METTL21C: variants seen among roughly 807,000 people sequenced by gnomAD.
METTL21C encodes the protein protein-lysine methyltransferase METTL21C.
In METTL21C, 21 loss-of-function variants were observed where a neutral mutation model predicts 25.9. The ratio of observed to expected loss-of-function variants is 0.81; its 90% CI spans 0.58 to 1.17. The LOEUF is 1.17. Ranked by LOEUF, METTL21C falls within the 50% of genes most tolerant of loss-of-function variation. The pLI is 0.00. For synonymous variants in METTL21C, 125 were observed against 124.7 expected (o/e 1.00, Z -0.01); for missense variants, 312 against 315.1 (o/e 0.99, Z 0.07).
intron 2 of METTL21C, among the ~76,000 whole-genome samples, chr13:102,690,437 A>AG (rs1375488666): frequency 3.3e-5 from 5 of 149,726 alleles, no homozygotes; most frequent in East Asian, 2.0e-4. Context: ...AAAAAAAAAA[A>AG]AAGAGAGAGA....
chr13:102,702,041 G>A, the METTL21C span, among the ~76,000 whole-genome samples: 1 of 151,992 alleles, frequency 6.6e-6, no homozygotes, highest in Non-Finnish European at 1.5e-5. Flanking sequence ...GCGGGTGCCT[G>A]TAGTCCCAGC....
the METTL21C span, among the ~76,000 whole-genome samples, chr13:102,700,787 A>G: frequency 1.3e-5 from 2 of 152,152 alleles, no homozygotes; most frequent in African/African-American, 2.4e-5. Flanking sequence ...AGGGGCAAGG[A>G]TGCCTCGGTT....
At chr13:102,697,480 G>A (rs1885965400), upstream of METTL21C, among the ~76,000 whole-genome samples, 1 of 152,126 alleles carries the variant, frequency 6.6e-6, no homozygotes, top group Non-Finnish European at 1.5e-5. Flanking sequence ...AAGCCACCCT[G>A]GGCCAGGCAA....
At chr13:102,687,617 C>G (rs1440212143) in intron 2 of METTL21C, among the ~76,000 whole-genome samples, 1 of 152,174 alleles carries the variant, frequency 6.6e-6, no homozygotes, top group African/African-American at 2.4e-5. Flanking sequence ...AGTTCAGAAA[C>G]TGCTTCTCAG....
At position 102,693,089 on chromosome 13, in the gene METTL21C, C is replaced by T. The variant is rs572292677; in HGVS notation, c.130+1280G>A. 1.1e-4 allele frequency among the ~76,000 whole-genome samples: 16 copies of T among 152,272 alleles called. No homozygotes were observed. In the South Asian group the frequency reaches 3.1e-3, roughly 30 times the overall value. On this transcript the variant is annotated intron_variant, in intron 1 of 3. Transcript: ENST00000267273. Reference sequence around the variant, plus strand: ...TCCCACCGTGCCGTTTTCAGAGAAGCAGCATGACTTCGCTGGGGAAAGACG... The same window carrying T: ...TCCCACCGTGCCGTTTTCAGAGAAGTAGCATGACTTCGCTGGGGAAAGACG...
At chr13:102,686,792 C>A in intron 3 of METTL21C, 148 bp downstream of exon 3, 1 of 649,156 alleles carries the variant, frequency 1.5e-6, no homozygotes, top group Non-Finnish European at 2.7e-6. Flanking sequence ...TAGATAACAG[C>A]AGTAATTCCT....
chr13:102,690,770 A>G, intron 2 of METTL21C, 43 bp downstream of exon 2: 1 of 1,600,574 alleles, frequency 6.2e-7, no homozygotes, highest in South Asian at 1.1e-5. Context: ...CGGAATTGTT[A>G]TCTCCAGAAA....
upstream of METTL21C, among the ~76,000 whole-genome samples, chr13:102,698,311 G>T (rs978543170): frequency 1.9e-4 from 29 of 152,230 alleles, no homozygotes; most frequent in Non-Finnish European, 1.0e-4. Flanking sequence ...AGAAGGGAGG[G>T]AGAGAAATGA....
chr13:102,690,880 C>T lies in METTL21C; in HGVS notation c.215G>A (p.Arg72Gln), dbSNP rs149948690. ...GATGACAATCTCCTTTCCTGCAAAC[C>T]GATAATGCTCCTGAGTGTAGCTGGC... ...DYASYTQEHY[R>Q]FAGKEIVIQE... Residue 72 changes from arginine (R) to glutamine (Q), a missense_variant, in exon 2 of 4, where the codon CGG becomes CAG. By Grantham distance (43) the Arg-to-Gln change is conservative. Transcript: ENST00000267273. The T allele has an allele frequency of 2.7e-5, 44 of 1,613,960 alleles. No individual in the cohort carries two copies. Among genetic ancestry groups the T allele is most frequent in the Non-Finnish European group, 3.2e-5 (38 of 1,180,014 alleles).
upstream of METTL21C, among the ~76,000 whole-genome samples, chr13:102,699,168 T>A (rs964628627): frequency 6.6e-6 from 1 of 152,166 alleles, no homozygotes; most frequent in African/African-American, 2.4e-5. Flanking sequence ...CTCCTACCCT[T>A]CTTCTCACCC....
At chr13:102,689,077 T>A (rs971200260) in intron 2 of METTL21C, among the ~76,000 whole-genome samples, 1 of 150,546 alleles carries the variant, frequency 6.6e-6, no homozygotes, top group African/African-American at 2.5e-5. Flanking sequence ...TTTTTTCAAT[T>A]TCTGATCTTT....
In METTL21C at chr13:102,694,437, G is replaced by A. The variant is rs148624039; in HGVS notation, c.62C>T (p.Pro21Leu). Residue 21 changes from proline (P) to leucine (L), a missense_variant, in exon 1 of 4, where the codon CCG becomes CTG. Transcript: ENST00000267273. ...PGRRGEGLSS[P>L]GGWLEAEKKG... Reference sequence around the variant, plus strand: ...CTTCTCAGCCTCTAACCAGCCACCCGGGGAGCTGAGTCCTTCCCCCCGGCG... The same window carrying A: ...CTTCTCAGCCTCTAACCAGCCACCCAGGGAGCTGAGTCCTTCCCCCCGGCG... 1.7e-5 allele frequency: 25 copies of A among 1,463,900 alleles called. No individual in the cohort carries two copies. In the East Asian group the frequency reaches 4.6e-4, roughly 27 times the overall value. 90.7% of individuals were successfully genotyped at this position (1,463,900 alleles called of 1,614,324 possible).
At position 102,686,196 on chromosome 13, in the gene METTL21C, C is replaced by T. The variant is rs760391193; in HGVS notation, c.630G>A (p.Val210=). The change falls in exon 4 of 4, where the codon GTG becomes GTA. Residue 210 remains valine (V), a synonymous_variant. Coordinates refer to ENST00000267273, the MANE Select transcript of METTL21C (RefSeq NM_001010977.3). ...YFLDKLLTTM[V]YLSQPGTVLL... Reference sequence around the variant, plus strand: ...GCACCGTCCCTGGCTGGGAAAGGTACACCATGGTGGTGAGCAGCTTGTCCA... The same window carrying T: ...GCACCGTCCCTGGCTGGGAAAGGTATACCATGGTGGTGAGCAGCTTGTCCA... The T allele has an allele frequency of 6.2e-7, 1 of 1,614,200 alleles. No homozygotes were observed. Among genetic ancestry groups the T allele is most frequent in the Non-Finnish European group, 8.5e-7 (1 of 1,180,036 alleles).
At chr13:102,688,209 G>C (rs1362109637) in intron 2 of METTL21C, among the ~76,000 whole-genome samples, 1 of 152,168 alleles carries the variant, frequency 6.6e-6, no homozygotes, top group East Asian at 1.9e-4. Context: ...CAGGATGATT[G>C]GAGACGTGTC....
chr13:102,693,987 A>C (rs548143371), intron 1 of METTL21C, among the ~76,000 whole-genome samples: 1 of 152,332 alleles, frequency 6.6e-6, no homozygotes, highest in African/African-American at 2.4e-5. Context: ...GGGGAAATAC[A>C]GTTTGATTTA....
chr13:102,685,957 A>G lies in METTL21C; in HGVS notation c.*74T>C. The G allele has an allele frequency of 6.9e-7, 1 of 1,443,828 alleles. No homozygotes were observed. Among genetic ancestry groups the G allele is most frequent in the East Asian group, 2.3e-5 (1 of 43,324 alleles). The allele number at this position is 1,443,828 out of a possible 1,614,324, so 89.4% of individuals were successfully genotyped here. A position where few individuals can be genotyped will look rare whatever the true frequency, so the allele number is the denominator to read the frequency against. On this transcript the variant is annotated 3_prime_UTR_variant, in exon 4 of 4. Coordinates refer to ENST00000267273, the MANE Select transcript of METTL21C (RefSeq NM_001010977.3). Reference sequence around the variant, plus strand: ...ACTACCTTCTCAATCCTGTGAAAGAAGTCTATTACCAAAGCAATTTCTAAC... The same window carrying G: ...ACTACCTTCTCAATCCTGTGAAAGAGGTCTATTACCAAAGCAATTTCTAAC...
intron 2 of METTL21C, among the ~76,000 whole-genome samples, chr13:102,687,441 G>T (rs1157999865): frequency 6.6e-6 from 1 of 152,210 alleles, no homozygotes. Context: ...ATTCTTTCTT[G>T]TAAGAGAGTT....
rs778757547 is a variant in METTL21C at position 102,686,282 on chromosome 13, T to C, written c.544A>G (p.Lys182Glu). The C allele has an allele frequency of 1.2e-6, 2 of 1,614,152 alleles. No individual in the cohort carries two copies. The highest frequency in any genetic ancestry group is 1.7e-6 in the Non-Finnish European group (2 of 1,180,026). ...ACGTAATCATAGTAAAAAGCTGACT[T>C]GGGAAAGTTTTTGTCCAGGTCTTCC... is the stretch of plus-strand genomic sequence containing the variant. ...WGEDLDKNFP[K>E]SAFYYDYVLA... Residue 182 changes from lysine to glutamate, a missense_variant, in exon 4 of 4, where the codon AAG becomes GAG. Coordinates refer to ENST00000267273, the MANE Select transcript of METTL21C (RefSeq NM_001010977.3).
At chr13:102,691,564 G>C (rs966607392) in intron 1 of METTL21C, among the ~76,000 whole-genome samples, 1 of 152,102 alleles carries the variant, frequency 6.6e-6, no homozygotes, top group Non-Finnish European at 1.5e-5. Flanking sequence ...TGGTCAGGCT[G>C]GTCTCAAACT....
Sources: gnomAD v4.1 joint callset for allele counts (sites outside exome capture counted in the v4.1 genomes callset) on GRCh38, gnomAD v4.1.1 for gene constraint, MANE v1.5 for transcripts, NCBI Gene and HGNC (gene_info 2026-07-23, HGNC 2026-07-21) for gene names.